Variants in DNM3 observed in about 807,000 individuals in gnomAD.
DNM3 encodes dynamin 3, also known as dynamin-3.
Under a neutral mutation model 101.6 loss-of-function variants are expected in DNM3, and 47 were observed. The ratio of observed to expected loss-of-function variants is 0.46; its 90% CI spans 0.37 to 0.59. The LOEUF (loss-of-function observed/expected upper bound fraction) is 0.59. Ranked by LOEUF, DNM3 falls within the 20% of genes least tolerant of loss-of-function variation. The probability of loss-of-function intolerance (pLI) is 0.00; values close to 1 mark genes in which losing one functional copy is unlikely to be tolerated. For missense variants in DNM3, 849 were observed against 1,085.7 expected, an observed-to-expected ratio of 0.78 and a Z score of 3.06; for synonymous variants, 385 against 387.9, an observed-to-expected ratio of 0.99 and a Z score of 0.09.
intron 16 of DNM3, chr1:172,309,819 G>A (rs2065004568): frequency 6.6e-6 from 1 of 152,122 alleles, no homozygotes; most frequent in African/African-American, 2.4e-5. Flanking sequence ...ACATCTCTGG[G>A]GTTATACTAA....
chr1:172,014,979 T>G (rs948368818), intron 4 of DNM3, among the ~76,000 whole-genome samples: 1 of 152,058 alleles, frequency 6.6e-6, no homozygotes, highest in Non-Finnish European at 1.5e-5. Flanking sequence ...TTTGTGTCTA[T>G]ATTCATCTTT....
intron 1 of DNM3, among the ~76,000 whole-genome samples, chr1:171,920,029 T>C (rs1286503594): frequency 6.6e-6 from 1 of 152,252 alleles, no homozygotes; most frequent in Non-Finnish European, 1.5e-5. Context: ...ATTGTAGTCA[T>C]ATACGTTGAC....
At chr1:172,337,017 A>G (rs1366937909) in intron 17 of DNM3, among the ~76,000 whole-genome samples, 1 of 152,244 alleles carries the variant, frequency 6.6e-6, no homozygotes, top group Non-Finnish European at 1.5e-5. Context: ...TGTATCGGCT[A>G]TCATTATTTT....
intron 11 of DNM3, 77 bp downstream of exon 11, chr1:172,068,982 C>A: frequency 8.0e-7 from 1 of 1,254,042 alleles, no homozygotes; most frequent in South Asian, 1.3e-5. Context: ...TGGTAGTTCC[C>A]AACAGTCAGC....
At chr1:172,346,139 A>AAG (rs1229338628) in intron 17 of DNM3, among the ~76,000 whole-genome samples, 5 of 151,494 alleles carry the variant, frequency 3.3e-5, no homozygotes, top group African/African-American at 1.2e-4. Context: ...AAAAAAAAAA[A>AAG]AAAGAAAGAA....
intron 14 of DNM3, among the ~76,000 whole-genome samples, chr1:172,227,107 T>A (rs2061153511): frequency 6.6e-6 from 1 of 151,652 alleles, no homozygotes; most frequent in African/African-American, 2.4e-5. Context: ...ACTTTGTATG[T>A]CCTTGCATAC....
intron 14 of DNM3, among the ~76,000 whole-genome samples, chr1:172,161,576 A>G (rs142250425): frequency 2.1e-3 from 323 of 152,172 alleles, no homozygotes; most frequent in African/African-American, 7.5e-3. Flanking sequence ...GAGAGATATG[A>G]AAAATTTGAG....
At chr1:171,959,751 A>T (rs530411819) in intron 2 of DNM3, among the ~76,000 whole-genome samples, 2 of 152,206 alleles carry the variant, frequency 1.3e-5, no homozygotes, top group East Asian at 3.9e-4. Flanking sequence ...AAGGAGGTAA[A>T]GTGTTATGAA....
At chr1:172,147,443 G>C (rs1412453830) in intron 14 of DNM3, among the ~76,000 whole-genome samples, 1 of 152,100 alleles carries the variant, frequency 6.6e-6, no homozygotes. Flanking sequence ...TATTTCAAAA[G>C]TTGTTGACCA....
In DNM3 at chr1:171,986,015, A is replaced by G. The variant is rs866554953; in HGVS notation, c.236-1641A>G. Reference sequence around the variant, plus strand: ...AAAGCAGGTTTCATACCAAACATAAATATTTTCCAATCAGAGCTTTTTCCA... The same window carrying G: ...AAAGCAGGTTTCATACCAAACATAAGTATTTTCCAATCAGAGCTTTTTCCA... On this transcript the variant is annotated intron_variant, in intron 2 of 20. Transcript: ENST00000627582. Among the ~76,000 whole-genome samples, 12 of 152,290 alleles carry G rather than the reference A, an allele frequency of 7.9e-5. 1 individual carries two copies. In the Middle Eastern group the frequency reaches 0.01, roughly 129 times the overall value.
chr1:171,898,701 T>TAC (rs1192329165), intron 1 of DNM3, among the ~76,000 whole-genome samples: 5 of 79,304 alleles, frequency 6.3e-5, no homozygotes. Flanking sequence ...TACATATATA[T>TAC]ATATAGAGAG....
At chr1:172,168,188 G>C (rs1375048381) in intron 14 of DNM3, among the ~76,000 whole-genome samples, 1 of 151,830 alleles carries the variant, frequency 6.6e-6, no homozygotes. Context: ...GTGCTAGGAT[G>C]TTAGGTAAAT....
intron 14 of DNM3, among the ~76,000 whole-genome samples, chr1:172,248,192 C>T (rs1240952841): frequency 6.6e-6 from 1 of 152,100 alleles, no homozygotes; most frequent in Non-Finnish European, 1.5e-5. Context: ...CTTCATCTAA[C>T]AAACTGTATG....
chr1:171,931,159 G>A (rs933127539), intron 2 of DNM3, among the ~76,000 whole-genome samples: 1 of 152,130 alleles, frequency 6.6e-6, no homozygotes, highest in Non-Finnish European at 1.5e-5. Context: ...AATTAGAGAA[G>A]ATCTAAATAT....
chr1:172,194,602 T>C (rs1420783955), intron 14 of DNM3, among the ~76,000 whole-genome samples: 1 of 152,172 alleles, frequency 6.6e-6, no homozygotes. Flanking sequence ...TTGATCCCTG[T>C]ACCATTAGGT....
intron 14 of DNM3, among the ~76,000 whole-genome samples, chr1:172,241,266 C>T (rs981593937): frequency 1.0e-4 from 6 of 58,676 alleles, no homozygotes; most frequent in South Asian, 1.1e-3. Flanking sequence ...TGTGTGTGTG[C>T]ACGTGTGTAT....
intron 2 of DNM3, among the ~76,000 whole-genome samples, chr1:171,939,222 A>G (rs554006723): frequency 3.2e-4 from 48 of 152,148 alleles, no homozygotes; most frequent in Admixed American, 1.8e-3. Flanking sequence ...TTATTTCTTC[A>G]CAGTTAAATC....
intron 2 of DNM3, among the ~76,000 whole-genome samples, chr1:171,941,578 G>T (rs74126546): frequency 6.6e-6 from 1 of 152,166 alleles, no homozygotes; most frequent in African/African-American, 2.4e-5. Context: ...GGACTGAGAT[G>T]TCTACCATAG....
rs916929305 is a variant in DNM3 at position 172,212,615 on chromosome 1, A to T, written c.1660-40958A>T. Among the ~76,000 whole-genome samples the T allele has an allele frequency of 2.6e-5, 4 of 152,026 alleles. No homozygotes were observed. In the South Asian group the frequency reaches 8.3e-4, roughly 32 times the overall value. ...CAGGAGAAGGTGTGATATGTCATTT[A>T]AAAAGCCCAAACCTTTCGCTTTGTA... On this transcript the variant is annotated intron_variant, in intron 14 of 20. Transcript: ENST00000627582.
Sources: allele counts gnomAD v4.1 joint callset (sites outside exome capture counted in the v4.1 genomes callset), GRCh38; gene constraint gnomAD v4.1.1; transcripts MANE v1.5; gene names NCBI Gene and HGNC (gene_info 2026-07-23, HGNC 2026-07-21).